HECW1: variants seen among roughly 807,000 people sequenced by gnomAD.
HECW1 encodes the protein HECT, C2 and WW domain containing E3 ubiquitin protein ligase 1.
Under a neutral mutation model 182.3 loss-of-function variants are expected in HECW1, and 61 were observed. That is an observed-to-expected ratio of 0.33 (90% CI 0.27 to 0.41). The LOEUF is 0.41. HECW1 is among the 10% of genes least tolerant of loss of function. The pLI is 1.00. For synonymous variants in HECW1, 859 were observed against 832.6 expected, an observed-to-expected ratio of 1.03 and a Z score of -0.55; for missense variants, 1,739 against 2,108.9, an observed-to-expected ratio of 0.82 and a Z score of 3.44.
At chr7:43,237,975 A>G (rs1798541336) in intron 2 of HECW1, among the ~76,000 whole-genome samples, 1 of 152,184 alleles carries the variant, frequency 6.6e-6, no homozygotes, top group African/African-American at 2.4e-5. Flanking sequence ...TGAAGCCTGT[A>G]TCCTTTGCAT....
intron 2 of HECW1, among the ~76,000 whole-genome samples, chr7:43,127,883 CT>C (rs141748005): frequency 1.5e-3 from 221 of 146,892 alleles, no homozygotes; most frequent in Middle Eastern, 3.5e-3. Flanking sequence ...ATTGATTTTC[CT>C]TTTTTTTTTT....
chr7:43,433,239 A>C (rs1270061797), intron 8 of HECW1, among the ~76,000 whole-genome samples: 1 of 152,274 alleles, frequency 6.6e-6, no homozygotes, highest in East Asian at 1.9e-4. Flanking sequence ...TATTTAGGCC[A>C]CAGAGGAAGA....
rs539001065 is a variant in HECW1 at position 43,410,046 on chromosome 7, G to A, written c.801+2315G>A. Among the ~76,000 whole-genome samples the A allele has an allele frequency of 4.6e-5, 7 of 152,276 alleles. No homozygotes were observed. The South Asian group carries it at 1.0e-3, about 23-fold the overall frequency. ...GAGCCCCCAGGGATCCCAGCTCTCC[G>A]GGCCTGCCACTGCACCATCCTTAGC... On this transcript the variant is annotated intron_variant, in intron 8 of 29. Transcript: ENST00000395891.
chr7:43,227,539 A>G (rs935003766), intron 2 of HECW1, among the ~76,000 whole-genome samples: 2 of 152,204 alleles, frequency 1.3e-5, no homozygotes, highest in African/African-American at 4.8e-5. Flanking sequence ...CCAATATGCC[A>G]TGTTCTTTCA....
chr7:43,186,415 C>A (rs926518299), intron 2 of HECW1, among the ~76,000 whole-genome samples: 1 of 152,100 alleles, frequency 6.6e-6, no homozygotes, highest in Non-Finnish European at 1.5e-5. Flanking sequence ...CGGCTATAAT[C>A]CCAGCACTTT....
At chr7:43,410,010 C>G (rs933651586) in intron 8 of HECW1, among the ~76,000 whole-genome samples, 1 of 152,270 alleles carries the variant, frequency 6.6e-6, no homozygotes, top group Middle Eastern at 3.4e-3. Context: ...CAGGCGGTGC[C>G]GCTGCTGAGT....
At chr7:43,389,978 G>A (rs533631434) in intron 6 of HECW1, among the ~76,000 whole-genome samples, 1 of 152,274 alleles carries the variant, frequency 6.6e-6, no homozygotes, top group South Asian at 2.1e-4. Context: ...TTTGCCTGAA[G>A]GAGATGTATT....
chr7:43,238,150 C>T (rs936489198), intron 2 of HECW1, among the ~76,000 whole-genome samples: 2 of 152,288 alleles, frequency 1.3e-5, no homozygotes, highest in East Asian at 3.9e-4. Flanking sequence ...TGTTTGCCCA[C>T]CACAGATGTG....
intron 3 of HECW1, among the ~76,000 whole-genome samples, chr7:43,272,086 A>T (rs1226054177): frequency 6.6e-6 from 1 of 152,102 alleles, no homozygotes; most frequent in Non-Finnish European, 1.5e-5. Context: ...GACAAAAATA[A>T]ACAATAGGGA....
At chr7:43,520,765 A>G (rs1247955787) in intron 24 of HECW1, among the ~76,000 whole-genome samples, 2 of 152,108 alleles carry the variant, frequency 1.3e-5, no homozygotes, top group African/African-American at 4.8e-5. Context: ...TGCCTGGTTC[A>G]CTGAGCCCCT....
At chr7:43,260,486 A>G (rs1801056936) in intron 3 of HECW1, among the ~76,000 whole-genome samples, 2 of 152,236 alleles carry the variant, frequency 1.3e-5, no homozygotes, top group South Asian at 4.1e-4. Flanking sequence ...CATTCTAAGA[A>G]AAATAAGATT....
chr7:43,389,635 T>TGCTGTTGTTGTC (rs2074940724), intron 6 of HECW1, among the ~76,000 whole-genome samples: 1 of 151,796 alleles, frequency 6.6e-6, no homozygotes, highest in South Asian at 2.1e-4. Flanking sequence ...TTGTTGTTGT[T>TGCTGTTGTTGTC]GTTGTTGTTG....
chr7:43,508,898 A>G (rs915610143), intron 23 of HECW1, 71 bp from the exon 24 acceptor site: 3 of 1,537,720 alleles, frequency 2.0e-6, no homozygotes, highest in East Asian at 4.5e-5. Context: ...GCACACTAGA[A>G]TCTGGGTGCA....
intron 12 of HECW1, among the ~76,000 whole-genome samples, chr7:43,453,211 A>G (rs565638421): frequency 4.6e-5 from 7 of 152,198 alleles, no homozygotes; most frequent in Admixed American, 1.3e-4. Context: ...GATTCAACAT[A>G]AGATTATGTC....
intron 28 of HECW1, among the ~76,000 whole-genome samples, chr7:43,553,668 C>CA (rs773974209): frequency 0.069 from 2,295 of 33,326 alleles, 123 homozygotes; most frequent in African/African-American, 0.18. Context: ...GATTCTGTCT[C>CA]AAAAAAAAAA....
chr7:43,533,573 G>C (rs1308052434), intron 24 of HECW1, among the ~76,000 whole-genome samples: 1 of 152,146 alleles, frequency 6.6e-6, no homozygotes, highest in Non-Finnish European at 1.5e-5. Flanking sequence ...AAATTTGCCA[G>C]TACAGTGCTT....
intron 2 of HECW1, among the ~76,000 whole-genome samples, chr7:43,202,334 T>C (rs1795080670): frequency 6.6e-6 from 1 of 152,160 alleles, no homozygotes; most frequent in Non-Finnish European, 1.5e-5. Context: ...GTGCATATTT[T>C]TGGGCACTAA....
chr7:43,261,190 A>C (rs1801131213), intron 3 of HECW1, among the ~76,000 whole-genome samples: 1 of 152,196 alleles, frequency 6.6e-6, no homozygotes, highest in Non-Finnish European at 1.5e-5. Context: ...TGGAACTGAT[A>C]AGAGAAGTTA....
intron 2 of HECW1, among the ~76,000 whole-genome samples, chr7:43,140,884 T>C (rs1788084270): frequency 6.6e-6 from 1 of 152,176 alleles, no homozygotes; most frequent in African/African-American, 2.4e-5. Flanking sequence ...CGTGGCCTTC[T>C]CCATCATAGA....
Sources: gnomAD v4.1 joint callset for allele counts (sites outside exome capture counted in the v4.1 genomes callset) on GRCh38, gnomAD v4.1.1 for gene constraint, MANE v1.5 for transcripts, NCBI Gene and HGNC (gene_info 2026-07-23, HGNC 2026-07-21) for gene names.